The following SEMA6D variants were observed in gnomAD, a reference collection of about 807,000 sequenced individuals.
SEMA6D encodes semaphorin 6D.
In SEMA6D, 35 loss-of-function variants were observed where a neutral mutation model predicts 106.6. The observed-to-expected ratio is 0.33, with a 90% CI of 0.25 to 0.44. The LOEUF is 0.44. Ranked by LOEUF, SEMA6D falls within the 20% of genes least tolerant of loss-of-function variation. SEMA6D has a pLI of 1.00. For missense variants in SEMA6D, 1,185 were observed against 1,345.9 expected, an observed-to-expected ratio of 0.88 and a Z score of 1.87; for synonymous variants, 499 against 487.7, an observed-to-expected ratio of 1.02 and a Z score of -0.31.
chr15:47,737,436 A>C (rs942797049), intron 1 of SEMA6D, among the ~76,000 whole-genome samples: 2 of 152,192 alleles, frequency 1.3e-5, no homozygotes, highest in African/African-American at 2.4e-5. Context: ...ATAAAGTATT[A>C]ATTTTAAAGG....
chr15:47,238,994 C>T (rs2032734955), intron 1 of SEMA6D, among the ~76,000 whole-genome samples: 1 of 152,184 alleles, frequency 6.6e-6, no homozygotes. Flanking sequence ...TACTGGGCCA[C>T]AGACCAGGTA....
At chr15:47,299,296 T>G (rs1595676101) in intron 1 of SEMA6D, among the ~76,000 whole-genome samples, 1 of 152,330 alleles carries the variant, frequency 6.6e-6, no homozygotes, top group East Asian at 1.9e-4. Flanking sequence ...GGGACAAAAC[T>G]CAGTTTGCTT....
chr15:47,499,139 C>T (rs759404567), intron 3 of SEMA6D, among the ~76,000 whole-genome samples: 4 of 152,056 alleles, frequency 2.6e-5, no homozygotes, highest in Non-Finnish European at 5.9e-5. Flanking sequence ...TACTTTCAGA[C>T]GAGGAGACTG....
chr15:47,276,207 G>A (rs1014765031), intron 1 of SEMA6D, among the ~76,000 whole-genome samples: 1 of 152,142 alleles, frequency 6.6e-6, no homozygotes, highest in Non-Finnish European at 1.5e-5. Context: ...TCAAAGTGAA[G>A]CAGCAAATGC....
At chr15:47,204,604 T>C (rs7178456) in intron 1 of SEMA6D, among the ~76,000 whole-genome samples, 58,556 of 151,814 alleles carry the variant, frequency 0.39, 11,753 homozygotes, top group Middle Eastern at 0.53. Context: ...TAATGCAATA[T>C]AGAATCAAAG....
chr15:47,336,909 C>G (rs1435212824), intron 1 of SEMA6D, among the ~76,000 whole-genome samples: 4 of 152,110 alleles, frequency 2.6e-5, no homozygotes, highest in African/African-American at 9.7e-5. Flanking sequence ...TAGGTAAAAA[C>G]AGATCAGCTC....
At chr15:47,316,110 T>TTTTTTTTTTTTTTTTTTTTTA (rs2036664918) in intron 1 of SEMA6D, among the ~76,000 whole-genome samples, 1 of 141,152 alleles carries the variant, frequency 7.1e-6, no homozygotes, top group African/African-American at 2.8e-5. Context: ...TCCTTTTTTT[T>TTTTTTTTTTTTTTTTTTTTTA]GAGACAGAAT....
intron 2 of SEMA6D, among the ~76,000 whole-genome samples, chr15:47,427,430 T>A (rs2041377437): frequency 6.6e-6 from 1 of 152,152 alleles, no homozygotes; most frequent in African/African-American, 2.4e-5. Flanking sequence ...TTTTAACATG[T>A]TTTAGCTTAT....
At chr15:47,365,890 G>GGAGAGAGAGAGAGAGAGAGAGAGAGA (rs201368884) in intron 1 of SEMA6D, among the ~76,000 whole-genome samples, 3 of 119,812 alleles carry the variant, frequency 2.5e-5, no homozygotes, top group African/African-American at 3.7e-5. Context: ...GAGAGAGAGA[G>GGAGAGAGAGAGAGAGAGAGAGAGAGA]GAGAGAGAGA....
In SEMA6D at chr15:47,666,231, TA is replaced by T. The variant is rs1349422821; in HGVS notation, c.-55+65337del. Among the ~76,000 whole-genome samples, 16 of 152,318 alleles carry T rather than the reference TA, an allele frequency of 1.1e-4. No individual in the cohort carries two copies. In the East Asian group the frequency reaches 2.9e-3, roughly 28 times the overall value. Reference sequence around the variant, plus strand: ...TAGTGTTTACATCTTCACTGTGCCATAAGAGGCGGTGAAAAGAAACAAGAAA... The same window carrying T: ...TAGTGTTTACATCTTCACTGTGCCATAGAGGCGGTGAAAAGAAACAAGAAA... On this transcript the variant is annotated intron_variant, in intron 4 of 19. Transcript: ENST00000558014.
intron 1 of SEMA6D, among the ~76,000 whole-genome samples, chr15:47,404,814 G>T (rs1039859699): frequency 2.6e-5 from 4 of 152,114 alleles, no homozygotes; most frequent in African/African-American, 7.2e-5. Context: ...TATATGCCAG[G>T]TATTTTGCTC....
chr15:47,433,779 T>G (rs1323997005), intron 2 of SEMA6D, among the ~76,000 whole-genome samples: 3 of 152,106 alleles, frequency 2.0e-5, no homozygotes, highest in Non-Finnish European at 4.4e-5. Flanking sequence ...TAACTCTTAG[T>G]CTCTTTCCAA....
intron 2 of SEMA6D, among the ~76,000 whole-genome samples, chr15:47,461,069 C>T (rs1037878941): frequency 2.0e-5 from 3 of 152,122 alleles, no homozygotes; most frequent in African/African-American, 4.8e-5. Context: ...CTTGAGCAAG[C>T]TCATTTCTAT....
At chr15:47,515,634 A>G (rs1162220608) in intron 3 of SEMA6D, among the ~76,000 whole-genome samples, 1 of 152,280 alleles carries the variant, frequency 6.6e-6, no homozygotes, top group Non-Finnish European at 1.5e-5. Flanking sequence ...AGTAGGAAGG[A>G]CCCTCTCCTG....
At chr15:47,579,836 GA>G (rs1297931057) in intron 3 of SEMA6D, among the ~76,000 whole-genome samples, 1 of 151,792 alleles carries the variant, frequency 6.6e-6, no homozygotes, top group Admixed American at 6.6e-5. Flanking sequence ...TATTACTGAG[GA>G]AGTAAAGAAT....
chr15:47,508,467 A>T (rs1328147371), intron 3 of SEMA6D, among the ~76,000 whole-genome samples: 1 of 152,156 alleles, frequency 6.6e-6, no homozygotes, highest in East Asian at 1.9e-4. Flanking sequence ...GATTTTTCTG[A>T]AAACCCTGTG....
chr15:47,372,988 G>A (rs61998565), intron 1 of SEMA6D, among the ~76,000 whole-genome samples: 14,156 of 152,226 alleles, frequency 0.093, 917 homozygotes, highest in Non-Finnish European at 0.14. Context: ...CTTAGATCAC[G>A]GAACAGTAAT....
Position 47,657,632 on chromosome 15 carries a change from T to A in SEMA6D, c.-55+56736T>A, listed in dbSNP as rs1434717277. 2.0e-5 allele frequency among the ~76,000 whole-genome samples: 3 copies of A among 151,220 alleles called. No homozygotes were observed. In the South Asian group the frequency reaches 6.3e-4, roughly 32 times the overall value. On this transcript the variant is annotated intron_variant, in intron 4 of 19. Transcript: ENST00000558014. ...TTTTTCTCAACATGTATACCTTTTT[T>A]AATCATAGGATCAAAACTTTTTTAT... is the stretch of plus-strand genomic sequence containing the variant.
chr15:47,271,055 C>G (rs938327306), intron 1 of SEMA6D, among the ~76,000 whole-genome samples: 3 of 152,138 alleles, frequency 2.0e-5, no homozygotes, highest in African/African-American at 4.8e-5. Context: ...TATTTACAGT[C>G]CTCATTTTGT....
Sources: allele counts gnomAD v4.1 joint callset (sites outside exome capture counted in the v4.1 genomes callset), GRCh38; gene constraint gnomAD v4.1.1; transcripts MANE v1.5; gene names NCBI Gene and HGNC (gene_info 2026-07-23, HGNC 2026-07-21).